MED1: variants seen among roughly 807,000 people sequenced by gnomAD.
MED1 encodes mediator complex subunit 1, also known as mediator of RNA polymerase II transcription subunit 1.
MED1 carries 17 observed loss-of-function variants against 121.3 expected under a neutral mutation model. That is an observed-to-expected ratio of 0.14 (90% CI 0.10 to 0.21). The LOEUF is 0.21. Among genes scored for constraint, MED1 ranks in the 10% least tolerant of loss-of-function variants. The pLI, the probability that MED1 is intolerant of heterozygous loss-of-function variation, is 1.00. For missense variants in MED1, 1,558 were observed against 1,919.4 expected (o/e 0.81, Z 3.52); for synonymous variants, 661 against 694.4 (o/e 0.95, Z 0.76).
In MED1 at chr17:39,410,103, A is replaced by G. The variant is rs764550451; in HGVS notation, c.2118T>C (p.Asp706=). ...PPEKPKHQTE[D]DFQRELFSMD... Reference sequence around the variant, plus strand: ...TTGAAAATAGCTCCCTCTGAAAGTCATCTTCAGTCTGGTGCTTTGGTTTCT... The same window carrying G: ...TTGAAAATAGCTCCCTCTGAAAGTCGTCTTCAGTCTGGTGCTTTGGTTTCT... The change falls in exon 17 of 17, where the codon GAT becomes GAC. Residue 706 remains aspartate, a synonymous_variant. Coordinates refer to ENST00000300651, the MANE Select transcript of MED1 (RefSeq NM_004774.4). 2 of 1,614,040 alleles carry G rather than the reference A, an allele frequency of 1.2e-6. No homozygotes were observed. The highest frequency in any genetic ancestry group is 1.7e-6 in the Non-Finnish European group (2 of 1,180,000).
chr17:39,439,165 C>T lies in MED1; in HGVS notation c.428G>A (p.Arg143Lys). The T allele has an allele frequency of 6.3e-7, 1 of 1,594,678 alleles. No homozygotes were observed. The highest frequency in any genetic ancestry group is 1.9e-5 in the Admixed American group (1 of 52,832). ...VSCPELVQQL[R>K]EKNFDEFSKH... The stretch of plus-strand genomic sequence containing the variant: ...AGGAATATAAATCGTATTTGCTCAC[C>T]TTAGCTGCTGTACAAGCTCCGGACA... Residue 143 changes from arginine (R) to lysine (K), a missense_variant and splice_region_variant, in exon 6 of 17, where the codon AGG (arginine) becomes AAG (lysine). Physicochemically the swap from Arg to Lys is conservative, Grantham distance 26. This residue lies in a region of MED1 where 443 missense variants were observed against 532.4 expected (regional missense o/e 0.83). Transcript: ENST00000300651.
Position 39,409,042 on chromosome 17 carries a change from A to G in MED1, c.3179T>C (p.Ile1060Thr). Residue 1060 changes from isoleucine to threonine, a missense_variant, in exon 17 of 17, where the codon ATT (isoleucine) becomes ACT (threonine). Physicochemically the swap from Ile to Thr is moderately conservative, Grantham distance 89. Coordinates refer to ENST00000300651, the MANE Select transcript of MED1 (RefSeq NM_004774.4). ...QTPPGVATPP[I>T]PKITIQIPKG... Reference sequence around the variant, plus strand: ...AGGAATCTGAATAGTGATTTTGGGAATGGGTGGTGTGGCAACACCTGGGGG... The same window carrying G: ...AGGAATCTGAATAGTGATTTTGGGAGTGGGTGGTGTGGCAACACCTGGGGG... 1 of 1,614,146 alleles carries G rather than the reference A, an allele frequency of 6.2e-7. No homozygotes were observed.
chr17:39,414,520 A>G (rs1156628015), intron 16 of MED1, among the ~76,000 whole-genome samples: 1 of 150,940 alleles, frequency 6.6e-6, no homozygotes. Context: ...TATTTTTAAT[A>G]GAGACGGGGT....
chr17:39,421,578 G>A (rs2048465647), intron 13 of MED1, among the ~76,000 whole-genome samples: 1 of 151,804 alleles, frequency 6.6e-6, no homozygotes, highest in Non-Finnish European at 1.5e-5. Context: ...AAAAAAGAGA[G>A]GATTTTGCCA....
In MED1 at chr17:39,419,613, CTTTT is replaced by C. The variant is rs1053340855; in HGVS notation, c.1297+100_1297+103del. 97 of 1,103,564 alleles carry C rather than the reference CTTTT, an allele frequency of 8.8e-5. No individual in the cohort carries two copies. The African/African-American group carries it at 1.1e-3, about 12-fold the overall frequency. 68.4% of individuals were successfully genotyped at this position (1,103,564 alleles called of 1,614,324 possible). On this transcript the variant is annotated intron_variant, in intron 14 of 16. Coordinates refer to ENST00000300651, the MANE Select transcript of MED1 (RefSeq NM_004774.4). ...TATGCCAAATATGAAAAAAAAAAAA[CTTTT>C]TTTAAGTTCTACAGGTGATTCTGAT...
chr17:39,442,471 C>T (rs1423058522), intron 3 of MED1, among the ~76,000 whole-genome samples: 3 of 151,688 alleles, frequency 2.0e-5, no homozygotes, highest in Non-Finnish European at 2.9e-5. Flanking sequence ...GTGGGACGCG[C>T]CTGTAGTCCC....
intron 2 of MED1, among the ~76,000 whole-genome samples, chr17:39,443,929 G>A (rs1358180904): frequency 6.6e-6 from 1 of 151,992 alleles, no homozygotes; most frequent in Non-Finnish European, 1.5e-5. Flanking sequence ...AGGAGTTCGA[G>A]ACCAGCCAAG....
At chr17:39,450,679 T>C (rs1417822444) in intron 1 of MED1, among the ~76,000 whole-genome samples, 1 of 152,210 alleles carries the variant, frequency 6.6e-6, no homozygotes, top group African/African-American at 2.4e-5. Flanking sequence ...AATCATTTCA[T>C]TGATGCCAAA....
At position 39,407,974 on chromosome 17, in the gene MED1, C is replaced by T. The variant is rs771777705; in HGVS notation, c.4247G>A (p.Ser1416Asn). 1.9e-6 allele frequency: 3 copies of T among 1,614,150 alleles called. No homozygotes were observed. Among genetic ancestry groups the T allele is most frequent in the Non-Finnish European group, 2.5e-6 (3 of 1,180,054 alleles). Reference sequence around the variant, plus strand: ...TTGAGGCCTAAGCCCTTCTCCACTACTTTCCCCAGGTTTCTGCAAAGTCAC... The same window carrying T: ...TTGAGGCCTAAGCCCTTCTCCACTATTTTCCCCAGGTTTCTGCAAAGTCAC... ...AKVTLQKPGE[S>N]SGEGLRPQMA... The change falls in exon 17 of 17, where the codon AGT becomes AAT. Residue 1416 changes from serine to asparagine, a missense_variant. Transcript: ENST00000300651.
intron 3 of MED1, among the ~76,000 whole-genome samples, chr17:39,442,052 G>C (rs1239291181): frequency 6.6e-6 from 1 of 150,402 alleles, no homozygotes; most frequent in Non-Finnish European, 1.5e-5. Context: ...GCAGTGAGCA[G>C]AGATCGTGCC....
chr17:39,413,553 G>A (rs759892341), intron 16 of MED1, among the ~76,000 whole-genome samples: 23 of 151,926 alleles, frequency 1.5e-4, no homozygotes, highest in Non-Finnish European at 3.4e-4. Context: ...GCACTGCCAC[G>A]CCCAGCCTAA....
chr17:39,423,314 G>A lies in MED1; in HGVS notation c.1095+13C>T, dbSNP rs367639888. ...TAACCTACAACATTCTAGCTCCCTA[G>A]GGCTTTACTTACAGCATAAAATCTC... On this transcript the variant is annotated intron_variant, in intron 13 of 16. Transcript: ENST00000300651. The A allele has an allele frequency of 3.2e-6, 5 of 1,552,540 alleles. No homozygotes were observed. The highest frequency in any genetic ancestry group is 4.4e-6 in the Non-Finnish European group (5 of 1,124,156).
rs1369996625 is a variant in MED1 at position 39,433,571 on chromosome 17, T to C, written c.500+678A>G. The stretch of plus-strand genomic sequence containing the variant: ...TACACACATATTTTTTCTTTTTTTT[T>C]GAGACAGCATCTCGCTCTGTCAACC... On this transcript the variant is annotated intron_variant, in intron 7 of 16. Transcript: ENST00000300651. 8.6e-5 allele frequency among the ~76,000 whole-genome samples: 13 copies of C among 151,412 alleles called. No individual in the cohort carries two copies. In the East Asian group the frequency reaches 2.5e-3, roughly 29 times the overall value.
Position 39,409,127 on chromosome 17 carries a change from T to A in MED1, c.3094A>T (p.Thr1032Ser). 3 of 1,614,124 alleles carry A rather than the reference T, an allele frequency of 1.9e-6. No homozygotes were observed. The highest frequency in any genetic ancestry group is 2.5e-6 in the Non-Finnish European group (3 of 1,180,022). ...GATCCACCTGTACTGGTAGGTGGGG[T>A]AAAAGGTCTGTTAGAAGAACTATGA... The part of the protein sequence containing the change: ...PSHSSSNRPF[T>S]PPTSTGGSKS... The change falls in exon 17 of 17, where the codon ACC becomes TCC. Residue 1032 changes from threonine to serine, a missense_variant. By Grantham distance (58) the Thr-to-Ser change is moderately conservative (BLOSUM62 1). This residue lies in a region of MED1 where 793 missense variants were observed against 898.2 expected (regional missense o/e 0.88). Transcript: ENST00000300651.
In MED1 at chr17:39,439,186, G is replaced by A. The variant is rs369794246; in HGVS notation, c.407C>T (p.Pro136Leu). The A allele has an allele frequency of 3.1e-5, 49 of 1,585,038 alleles. No homozygotes were observed. Among genetic ancestry groups the A allele is most frequent in the South Asian group, 5.9e-5 (5 of 85,248 alleles). ...TCACCTTAGCTGCTGTACAAGCTCC[G>A]GACAGCTCTGAAATCAAAGAAAATT... ...AHHGENPVSC[P>L]ELVQQLREKN... is the part of the protein sequence containing the mutation. Residue 136 changes from proline to leucine, a missense_variant, in exon 6 of 17, where the codon CCG (proline) becomes CTG (leucine). Pro to Leu is a moderately conservative substitution (Grantham distance 98). This residue lies in a region of MED1 where 443 missense variants were observed against 532.4 expected (regional missense o/e 0.83). Transcript: ENST00000300651.
chr17:39,411,599 G>C lies in MED1; in HGVS notation c.1500-878C>G, dbSNP rs116750753. Among the ~76,000 whole-genome samples the C allele has an allele frequency of 5.8e-3, 881 of 152,230 alleles. 7 individuals carry two copies. The highest frequency in any genetic ancestry group is 0.019 in the African/African-American group (799 of 41,538). ...ATCGTCCCATTGCACGCCAGCCTTG[G>C]TGACAGTGCAAGACTTCATTTCAAA... On this transcript the variant is annotated intron_variant, in intron 16 of 16. Transcript: ENST00000300651.
intron 11 of MED1, 129 bp downstream of exon 11, chr17:39,424,498 C>T (rs916507329): frequency 3.2e-6 from 2 of 622,572 alleles, no homozygotes; most frequent in Admixed American, 6.6e-5. Context: ...AAAAGAGAAA[C>T]CAATGAATGG....
intron 6 of MED1, among the ~76,000 whole-genome samples, chr17:39,438,173 A>ATTT (rs71147331): frequency 7.1e-6 from 1 of 140,468 alleles, no homozygotes. Flanking sequence ...CCTCGTCTCT[A>ATTT]TTTTTTTTTT....
chr17:39,443,504 A>C, intron 3 of MED1, 46 bp downstream of exon 3: 1 of 1,533,790 alleles, frequency 6.5e-7, no homozygotes. Context: ...TCCTTCTTGA[A>C]CTGGGGGTTT....
Sources: gnomAD v4.1 joint callset for allele counts (sites outside exome capture counted in the v4.1 genomes callset) on GRCh38, gnomAD v4.1.1 for gene constraint, gnomAD v4.1.1 regional missense constraint, MANE v1.5 for transcripts, NCBI Gene and HGNC (gene_info 2026-07-23, HGNC 2026-07-21) for gene names.